SEMA3A: variants seen among roughly 807,000 people sequenced by gnomAD.
SEMA3A encodes semaphorin 3A.
SEMA3A carries 29 observed loss-of-function variants against 97.9 expected under a neutral mutation model. The ratio of observed to expected loss-of-function variants is 0.30; its 90% CI spans 0.22 to 0.40. The LOEUF is 0.40. SEMA3A is among the 10% of genes least tolerant of loss of function. The pLI is 1.00. For missense variants in SEMA3A, 763 were observed against 951.3 expected (o/e 0.80, Z 2.60); for synonymous variants, 321 against 323.7 (o/e 0.99, Z 0.09).
At chr7:84,335,354 T>C (rs1262798056) in intron 2 of SEMA3A, among the ~76,000 whole-genome samples, 2 of 152,158 alleles carry the variant, frequency 1.3e-5, no homozygotes, top group East Asian at 1.9e-4. Flanking sequence ...ATATTTTGAG[T>C]ATGAAGGGTT....
At chr7:84,285,053 AT>A (rs1199113126) in intron 3 of SEMA3A, among the ~76,000 whole-genome samples, 3 of 151,694 alleles carry the variant, frequency 2.0e-5, no homozygotes, top group Non-Finnish European at 2.9e-5. Flanking sequence ...GTACTCTTTT[AT>A]TTTTTTTGAC....
intron 4 of SEMA3A, among the ~76,000 whole-genome samples, chr7:84,078,788 A>T (rs1356061077): frequency 6.6e-6 from 1 of 151,992 alleles, no homozygotes; most frequent in Non-Finnish European, 1.5e-5. Context: ...ATTTAACAGT[A>T]TGTCTCTGTT....
At chr7:84,351,066 TACACACACAC>T (rs149149582) in intron 2 of SEMA3A, among the ~76,000 whole-genome samples, 3 of 146,654 alleles carry the variant, frequency 2.0e-5, no homozygotes, top group African/African-American at 5.0e-5. Flanking sequence ...TACACATGCA[TACACACACAC>T]ACACACACAC....
chr7:84,302,793 A>C (rs1415867528), intron 3 of SEMA3A, among the ~76,000 whole-genome samples: 1 of 152,136 alleles, frequency 6.6e-6, no homozygotes, highest in Non-Finnish European at 1.5e-5. Flanking sequence ...TTACTACATA[A>C]GGGAAACAAA....
intron 3 of SEMA3A, among the ~76,000 whole-genome samples, chr7:84,287,650 T>G (rs1213848958): frequency 6.6e-6 from 1 of 152,180 alleles, no homozygotes; most frequent in Non-Finnish European, 1.5e-5. Flanking sequence ...ATTTTCAGAT[T>G]TATGATTATG....
rs1015965657 is a variant in SEMA3A at position 84,351,311 on chromosome 7, A to C, written c.-169+20513T>G. ...TTGCTTGGTTTCCTCCAAAGATGTC[A>C]CACCTTGCGTAAGCCTTTGAAAAAC... On this transcript the variant is annotated intron_variant, in intron 2 of 3. Transcript: ENST00000424555. Among the ~76,000 whole-genome samples the C allele has an allele frequency of 2.0e-5, 3 of 152,028 alleles. No individual in the cohort carries two copies. The South Asian group carries it at 6.2e-4, about 31-fold the overall frequency.
chr7:84,112,211 G>A (rs1484912633), intron 3 of SEMA3A, among the ~76,000 whole-genome samples: 1 of 152,190 alleles, frequency 6.6e-6, no homozygotes, highest in Admixed American at 6.5e-5. Context: ...TTTATATAAA[G>A]ATTATCATCT....
chr7:84,090,804 C>G (rs965364469), intron 4 of SEMA3A, among the ~76,000 whole-genome samples: 5 of 151,530 alleles, frequency 3.3e-5, no homozygotes, highest in African/African-American at 9.7e-5. Context: ...TGGTGGCTCA[C>G]GCCTGTAATC....
At chr7:83,963,549 G>T (rs1788560350) in intron 15 of SEMA3A, among the ~76,000 whole-genome samples, 2 of 152,110 alleles carry the variant, frequency 1.3e-5, no homozygotes, top group South Asian at 4.1e-4. Context: ...TTTGGTATGG[G>T]TTATATAAAA....
At chr7:84,387,435 T>C (rs2116162251) in intron 1 of SEMA3A, among the ~76,000 whole-genome samples, 1 of 152,232 alleles carries the variant, frequency 6.6e-6, no homozygotes, top group East Asian at 1.9e-4. Context: ...GGAAAAGGGA[T>C]GGTGAAGGAG....
At chr7:84,128,986 T>C in intron 3 of SEMA3A, 137 bp downstream of exon 3, 1 of 643,980 alleles carries the variant, frequency 1.6e-6, no homozygotes, top group Non-Finnish European at 2.7e-6. Context: ...CCTAAAGATA[T>C]CTTATTATAT....
chr7:84,301,065 T>A (rs1368020080), intron 3 of SEMA3A, among the ~76,000 whole-genome samples: 3 of 152,078 alleles, frequency 2.0e-5, no homozygotes. Context: ...ATTCAGGAGA[T>A]GTTTTTCCTG....
chr7:84,000,370 G>T (rs1229426239), intron 12 of SEMA3A, among the ~76,000 whole-genome samples: 2 of 151,998 alleles, frequency 1.3e-5, no homozygotes, highest in Non-Finnish European at 2.9e-5. Flanking sequence ...TAATGTGCCT[G>T]ATTTTAAAAA....
intron 3 of SEMA3A, among the ~76,000 whole-genome samples, chr7:84,205,149 G>A (rs1184343679): frequency 1.3e-5 from 2 of 152,208 alleles, no homozygotes; most frequent in East Asian, 1.9e-4. Flanking sequence ...AAGCAGAGAA[G>A]TTAAGGTCAA....
chr7:84,266,532 T>TA (rs899843164), intron 3 of SEMA3A, among the ~76,000 whole-genome samples: 1 of 151,028 alleles, frequency 6.6e-6, no homozygotes, highest in Non-Finnish European at 1.5e-5. Context: ...AACAAAAATA[T>TA]AAAAAAAAGA....
In SEMA3A at chr7:84,440,697, G is replaced by C. The variant is rs140528832; in HGVS notation, c.-246+51763C>G. Among the ~76,000 whole-genome samples, 8 of 152,200 alleles carry C rather than the reference G, an allele frequency of 5.3e-5. No homozygotes were observed. In the East Asian group the frequency reaches 1.5e-3, roughly 29 times the overall value. On this transcript the variant is annotated intron_variant, in intron 1 of 3. Coordinates refer to the SEMA3A transcript ENST00000424555. The stretch of plus-strand genomic sequence containing the variant: ...AGTTTATACCTCAGTTTGGTCCTCA[G>C]CACAGAGACAGCTTACAACAATCAA...
At chr7:84,449,486 C>T (rs1805506101) in intron 1 of SEMA3A, among the ~76,000 whole-genome samples, 1 of 152,028 alleles carries the variant, frequency 6.6e-6, no homozygotes, top group South Asian at 2.1e-4. Context: ...CTGAAAGAGA[C>T]ACCACTACAG....
intron 3 of SEMA3A, among the ~76,000 whole-genome samples, chr7:84,280,920 C>T (rs1278603200): frequency 6.6e-6 from 1 of 151,980 alleles, no homozygotes; most frequent in African/African-American, 2.4e-5. Flanking sequence ...TTTATTTTTG[C>T]CCTAAATGAC....
At chr7:84,005,275 A>T (rs1002317987) in intron 11 of SEMA3A, 64 bp downstream of exon 11, 1 of 1,187,634 alleles carries the variant, frequency 8.4e-7, no homozygotes, top group Non-Finnish European at 1.3e-6. Context: ...ATGTTCAAAG[A>T]TCAACTTAAT....
Sources: gnomAD v4.1 joint callset for allele counts (sites outside exome capture counted in the v4.1 genomes callset) on GRCh38, gnomAD v4.1.1 for gene constraint, MANE v1.5 for transcripts, NCBI Gene and HGNC (gene_info 2026-07-23, HGNC 2026-07-21) for gene names.